Variants in CSGALNACT1 observed in about 807,000 individuals in gnomAD.
CSGALNACT1 encodes chondroitin sulfate N-acetylgalactosaminyltransferase 1, also known as beta4GalNAcT-1.
A neutral mutation model predicts 51.0 loss-of-function variants in CSGALNACT1; 52 were observed. The observed-to-expected ratio is 1.02, with a 90% CI of 0.82 to 1.29. The LOEUF (loss-of-function observed/expected upper bound fraction) is 1.29, where lower values mean the gene tolerates loss of function less well. Among genes scored for constraint, CSGALNACT1 ranks in the 50% most tolerant of loss-of-function variants. CSGALNACT1 has a pLI of 0.00. For synonymous variants in CSGALNACT1, 341 were observed against 254.4 expected, an observed-to-expected ratio of 1.34 and a Z score of -3.24; for missense variants, 935 against 679.2, an observed-to-expected ratio of 1.38 and a Z score of -4.19.
intron 3 of CSGALNACT1, among the ~76,000 whole-genome samples, chr8:19,559,752 C>G (rs1406103094): frequency 1.3e-5 from 2 of 152,090 alleles, no homozygotes; most frequent in East Asian, 1.9e-4. Context: ...ATGCAGAAAC[C>G]TCTGAGGAAG....
intron 4 of CSGALNACT1, among the ~76,000 whole-genome samples, chr8:19,498,748 T>G (rs1563741005): frequency 6.6e-6 from 1 of 152,148 alleles, no homozygotes. Context: ...TCCCATAACA[T>G]CACAAATTTT....
intron 4 of CSGALNACT1, 88 bp downstream of exon 3, chr8:19,505,113 C>T: frequency 6.7e-7 from 1 of 1,482,226 alleles, no homozygotes; most frequent in East Asian, 2.3e-5. Flanking sequence ...GAGCCAGCTG[C>T]CAGCCTCCTG....
chr8:19,508,322 A>C (rs953014757), intron 3 of CSGALNACT1, among the ~76,000 whole-genome samples: 5 of 152,232 alleles, frequency 3.3e-5, no homozygotes, highest in African/African-American at 9.6e-5. Flanking sequence ...TCACTATGCC[A>C]TCAAAATAGT....
rs193233875 is a variant in CSGALNACT1, at chr8:19,722,531, G to C, written c.-297+35319C>G. On this transcript the variant is annotated intron_variant, in intron 1 of 1. Transcript: ENST00000517494. ...TGCAAATCCAGGTCTGGCCACAAAA[G>C]TCAACACCATTTGCACATGGTCTCC... Among the ~76,000 whole-genome samples, 407 of 152,274 alleles carry C rather than the reference G, an allele frequency of 2.7e-3. 1 individual carries two copies. The highest frequency in any genetic ancestry group is 9.3e-3 in the African/African-American group (387 of 41,558).
intron 1 of CSGALNACT1, among the ~76,000 whole-genome samples, chr8:19,688,437 G>A (rs551500180): frequency 6.6e-6 from 1 of 152,122 alleles, no homozygotes; most frequent in Non-Finnish European, 1.5e-5. Flanking sequence ...CGCAGGTGGT[G>A]GGCAATTGCT....
intron 3 of CSGALNACT1, among the ~76,000 whole-genome samples, chr8:19,566,465 G>A (rs1269299217): frequency 2.0e-5 from 3 of 152,108 alleles, no homozygotes; most frequent in Admixed American, 6.5e-5. Context: ...TATGTTTATG[G>A]TCATTTGTCA....
At chr8:19,658,891 G>A (rs2058525432) in intron 1 of CSGALNACT1, among the ~76,000 whole-genome samples, 1 of 152,146 alleles carries the variant, frequency 6.6e-6, no homozygotes, top group South Asian at 2.1e-4. Context: ...CACTTATCTG[G>A]TAAATCTTTC....
chr8:19,432,268 A>G lies in CSGALNACT1; in HGVS notation c.953+7562T>C, dbSNP rs1252614282. On this transcript the variant is annotated intron_variant, in intron 6 of 9. Transcript: ENST00000454498. Reference sequence around the variant, plus strand: ...TAGTTGAAATCTTTTTCTCACTTTGAAAATGTTATCCCACTTTCTGGCCTC... The same window carrying G: ...TAGTTGAAATCTTTTTCTCACTTTGGAAATGTTATCCCACTTTCTGGCCTC... Among the ~76,000 whole-genome samples the G allele has an allele frequency of 2.6e-5, 4 of 152,178 alleles. No homozygotes were observed. The South Asian group carries it at 8.3e-4, about 31-fold the overall frequency.
intron 3 of CSGALNACT1, among the ~76,000 whole-genome samples, chr8:19,528,251 C>A (rs142066768): frequency 6.6e-6 from 1 of 151,648 alleles, no homozygotes; most frequent in Non-Finnish European, 1.5e-5. Flanking sequence ...CACCATTTTC[C>A]GACTCGTTCA....
intron 1 of CSGALNACT1, among the ~76,000 whole-genome samples, chr8:19,664,398 T>C (rs141836742): frequency 6.6e-6 from 1 of 152,194 alleles, no homozygotes; most frequent in Non-Finnish European, 1.5e-5. Flanking sequence ...GAATGTAAAT[T>C]AGTACAGCCT....
intron 3 of CSGALNACT1, among the ~76,000 whole-genome samples, chr8:19,568,805 T>C (rs1255785629): frequency 6.6e-6 from 1 of 152,188 alleles, no homozygotes; most frequent in Admixed American, 6.5e-5. Flanking sequence ...CATAGCTCCC[T>C]GTTAGAGCTA....
intron 3 of CSGALNACT1, among the ~76,000 whole-genome samples, chr8:19,532,572 G>T: frequency 6.6e-6 from 1 of 152,136 alleles, no homozygotes; most frequent in Non-Finnish European, 1.5e-5. Context: ...CTTCAATCAT[G>T]ATTTTCAAAA....
chr8:19,629,727 T>C (rs768668318), intron 1 of CSGALNACT1, among the ~76,000 whole-genome samples: 25 of 152,220 alleles, frequency 1.6e-4, no homozygotes, highest in Non-Finnish European at 2.8e-4. Flanking sequence ...ACTAACCTGA[T>C]TTGACATCAG....
At chr8:19,482,180 A>G (rs1419828576) in intron 4 of CSGALNACT1, among the ~76,000 whole-genome samples, 5 of 152,174 alleles carry the variant, frequency 3.3e-5, no homozygotes, top group African/African-American at 1.2e-4. Context: ...GGGAAACAGA[A>G]TGTTCGGTGA....
At chr8:19,462,231 C>T (rs145931387) in intron 4 of CSGALNACT1, among the ~76,000 whole-genome samples, 2 of 152,350 alleles carry the variant, frequency 1.3e-5, no homozygotes, top group Non-Finnish European at 2.9e-5. Context: ...GACTGCATCT[C>T]GTTGAGTTTC....
At chr8:19,572,052 A>G (rs372505392) in intron 3 of CSGALNACT1, among the ~76,000 whole-genome samples, 53 of 152,194 alleles carry the variant, frequency 3.5e-4, no homozygotes, top group African/African-American at 1.2e-3. Context: ...AACATCAGCC[A>G]CCTTCAAGTG....
At chr8:19,680,086 G>C (rs2154207952) in intron 1 of CSGALNACT1, among the ~76,000 whole-genome samples, 1 of 152,144 alleles carries the variant, frequency 6.6e-6, no homozygotes, top group South Asian at 2.1e-4. Context: ...CTTCCCCACA[G>C]GAATAATGTT....
chr8:19,698,005 G>A (rs542588361), intron 1 of CSGALNACT1, among the ~76,000 whole-genome samples: 3 of 152,228 alleles, frequency 2.0e-5, no homozygotes, highest in South Asian at 4.1e-4. Flanking sequence ...GTGCATCCTC[G>A]GATTTGTCAA....
chr8:19,412,894 G>A (rs1316203538), intron 8 of CSGALNACT1, among the ~76,000 whole-genome samples: 1 of 152,086 alleles, frequency 6.6e-6, no homozygotes. Context: ...GCTGCACAGG[G>A]TGCCAGGAGG....
Sources: gnomAD v4.1 joint callset for allele counts (sites outside exome capture counted in the v4.1 genomes callset) on GRCh38, gnomAD v4.1.1 for gene constraint, MANE v1.5 for transcripts, NCBI Gene and HGNC (gene_info 2026-07-23, HGNC 2026-07-21) for gene names.